Variants in CLEC4A observed in about 807,000 individuals in gnomAD.
The protein encoded by CLEC4A is C-type lectin domain family 4 member A.
In CLEC4A, 27 loss-of-function variants were observed where a neutral mutation model predicts 32.7. The ratio of observed to expected loss-of-function variants is 0.83; its 90% CI spans 0.61 to 1.14. The LOEUF (loss-of-function observed/expected upper bound fraction) is 1.14, where lower values mean the gene tolerates loss of function less well. Among genes scored for constraint, CLEC4A ranks in the 50% most tolerant of loss-of-function variants. The pLI is 0.00. For missense variants in CLEC4A, 253 were observed against 274.6 expected (o/e 0.92, Z 0.55); for synonymous variants, 89 against 93.7 (o/e 0.95, Z 0.29).
At chr12:8,110,821 A>T in the CLEC4A span, among the ~76,000 whole-genome samples, 1 of 151,756 alleles carries the variant, frequency 6.6e-6, no homozygotes, top group Non-Finnish European at 1.5e-5. Context: ...TTCTCTCCTC[A>T]GTCCCTTCTG....
intron 4 of CLEC4A, 87 bp downstream of exon 4, chr12:8,135,823 G>T: frequency 7.1e-7 from 1 of 1,401,406 alleles, no homozygotes; most frequent in Non-Finnish European, 9.7e-7. Flanking sequence ...TGTTACTTTG[G>T]GATATTTGCG....
chr12:8,130,947 T>C (rs1947985987), intron 3 of CLEC4A, among the ~76,000 whole-genome samples: 1 of 152,200 alleles, frequency 6.6e-6, no homozygotes, highest in Non-Finnish European at 1.5e-5. Context: ...TGAATTCTCA[T>C]GTCTCTTTAG....
the CLEC4A span, among the ~76,000 whole-genome samples, chr12:8,114,471 C>G: frequency 2.6e-5 from 4 of 152,244 alleles, no homozygotes; most frequent in South Asian, 8.3e-4. Flanking sequence ...GTCTCAATCT[C>G]CTGACCTCGT....
chr12:8,134,979 G>GTTTTTTTTT lies in CLEC4A; in HGVS notation c.299-600_299-599insTTTTTTTTT, dbSNP rs1591611840. On this transcript the variant is annotated intron_variant, in intron 3 of 5. Coordinates refer to ENST00000229332, the MANE Select transcript of CLEC4A (RefSeq NM_016184.4). ...TGTATCTTCTTGTTGAAGCGTTTTTGTTTTTTGTTTTTTTTTAATCATGGC... is the reference window on the plus strand; with the variant it reads ...TGTATCTTCTTGTTGAAGCGTTTTTGTTTTTTTTTTTTTTTGTTTTTTTTTAATCATGGC... 3.2e-3 allele frequency: 526 copies of GTTTTTTTTT among 165,688 alleles called. 83 individuals carry two copies. Among genetic ancestry groups the GTTTTTTTTT allele is most frequent in the Middle Eastern group, 0.011 (6 of 528 alleles). 10.3% of individuals were successfully genotyped at this position (165,688 alleles called of 1,614,324 possible). A position where few individuals can be genotyped will look rare whatever the true frequency, so the allele number is the denominator to read the frequency against.
chr12:8,132,915 T>A (rs6486815), intron 3 of CLEC4A, among the ~76,000 whole-genome samples: 1 of 151,706 alleles, frequency 6.6e-6, no homozygotes, highest in Non-Finnish European at 1.5e-5. Flanking sequence ...TTTTTGTTTT[T>A]TTTTTGTTTT....
intron 2 of CLEC4A, among the ~76,000 whole-genome samples, chr12:8,127,629 A>C (rs1947925215): frequency 6.6e-6 from 1 of 152,208 alleles, no homozygotes; most frequent in Admixed American, 6.5e-5. Context: ...ACAAATTTGG[A>C]GGGAAAGAGA....
In CLEC4A at chr12:8,137,784, A is replaced by G. The variant is rs192890991; in HGVS notation, c.567-356A>G. The stretch of plus-strand genomic sequence containing the variant: ...TGCATTAAAAAAAGGAAAAAACTCT[A>G]TTGATAAGTGGGACCAGGGTAAAAT... On this transcript the variant is annotated intron_variant, in intron 5 of 5. Coordinates refer to ENST00000229332, the MANE Select transcript of CLEC4A (RefSeq NM_016184.4). Among the ~76,000 whole-genome samples, 947 of 152,276 alleles carry G rather than the reference A, an allele frequency of 6.2e-3. 9 individuals are homozygous for G. Among genetic ancestry groups the G allele is most frequent in the Non-Finnish European group, 7.3e-3 (498 of 68,012 alleles).
chr12:8,136,449 C>T (rs1026993789), intron 4 of CLEC4A, among the ~76,000 whole-genome samples: 1 of 151,816 alleles, frequency 6.6e-6, no homozygotes, highest in Admixed American at 6.6e-5. Context: ...CCTGTAGTCC[C>T]AGCTACTGGG....
intron 3 of CLEC4A, among the ~76,000 whole-genome samples, chr12:8,129,563 C>A (rs923610303): frequency 6.6e-6 from 1 of 152,150 alleles, no homozygotes; most frequent in Admixed American, 6.5e-5. Flanking sequence ...GAGGCTGAGG[C>A]GTGTGGATCA....
intron 5 of CLEC4A, among the ~76,000 whole-genome samples, chr12:8,137,396 A>G (rs1288323556): frequency 4.6e-5 from 7 of 152,156 alleles, no homozygotes; most frequent in African/African-American, 1.7e-4. Flanking sequence ...CTCCCACCCA[A>G]GTCTTCTGAG....
At chr12:8,113,165 G>A in the CLEC4A span, among the ~76,000 whole-genome samples, 3 of 129,956 alleles carry the variant, frequency 2.3e-5, no homozygotes, top group African/African-American at 6.0e-5. Flanking sequence ...CCCTTTCTGT[G>A]TCCATGTGTT....
chr12:8,128,472 G>A (rs1231642625), intron 2 of CLEC4A, among the ~76,000 whole-genome samples: 3 of 150,392 alleles, frequency 2.0e-5, no homozygotes, highest in South Asian at 2.1e-4. Flanking sequence ...GTGCAGTGGC[G>A]CAATCTCAGC....
At chr12:8,135,418 G>C (rs1158637661) in intron 3 of CLEC4A, among the ~76,000 whole-genome samples, 167 bp from the exon 4 acceptor site, 2 of 152,140 alleles carry the variant, frequency 1.3e-5, no homozygotes, top group African/African-American at 4.8e-5. Flanking sequence ...GATTGAGGTA[G>C]ACTTGGCTTC....
intron 3 of CLEC4A, among the ~76,000 whole-genome samples, chr12:8,129,966 G>A (rs1040393986): frequency 1.3e-5 from 2 of 152,080 alleles, no homozygotes; most frequent in Non-Finnish European, 2.9e-5. Flanking sequence ...CTCCTGAGTA[G>A]CTGAGACTAC....
chr12:8,106,876 G>A, the CLEC4A span, among the ~76,000 whole-genome samples: 2 of 151,896 alleles, frequency 1.3e-5, no homozygotes, highest in Non-Finnish European at 2.9e-5. Flanking sequence ...TCTTTCTCTC[G>A]CCTGATTGTC....
upstream of CLEC4A, among the ~76,000 whole-genome samples, chr12:8,118,676 T>C (rs781454568): frequency 2.6e-5 from 4 of 152,300 alleles, no homozygotes; most frequent in African/African-American, 9.6e-5. Context: ...TCTACCCCCA[T>C]GATCCAGTCA....
the CLEC4A span, among the ~76,000 whole-genome samples, chr12:8,111,570 A>G: frequency 2.0e-5 from 3 of 152,180 alleles, no homozygotes; most frequent in Non-Finnish European, 4.4e-5. Context: ...TAAATTGTTT[A>G]TATTATTTTT....
At chr12:8,125,277 C>G (rs1565402682) in intron 1 of CLEC4A, among the ~76,000 whole-genome samples, 1 of 151,856 alleles carries the variant, frequency 6.6e-6, no homozygotes, top group Non-Finnish European at 1.5e-5. Context: ...TATATACATT[C>G]AAAAAATTGC....
upstream of CLEC4A, among the ~76,000 whole-genome samples, chr12:8,120,096 T>A (rs1322454524): frequency 1.3e-5 from 2 of 152,232 alleles, no homozygotes; most frequent in Non-Finnish European, 2.9e-5. Flanking sequence ...AGAACTTTAA[T>A]GTGTGATAAT....
Sources: gnomAD v4.1 joint callset for allele counts (sites outside exome capture counted in the v4.1 genomes callset) on GRCh38, gnomAD v4.1.1 for gene constraint, MANE v1.5 for transcripts, NCBI Gene and HGNC (gene_info 2026-07-23, HGNC 2026-07-21) for gene names.